The following STX18 variants were observed in gnomAD, a reference collection of about 807,000 sequenced individuals.
The protein encoded by STX18 is syntaxin-18.
Under a neutral mutation model 50.1 loss-of-function variants are expected in STX18, and 40 were observed. The observed-to-expected ratio is 0.80, with a 90% CI of 0.62 to 1.04. The LOEUF (loss-of-function observed/expected upper bound fraction) is 1.04, where lower values mean the gene tolerates loss of function less well. Ranked by LOEUF, STX18 falls within the 50% of genes least tolerant of loss-of-function variation. The pLI is 0.00. For synonymous variants in STX18, 158 were observed against 151.8 expected (o/e 1.04, Z -0.30); for missense variants, 410 against 415.8 (o/e 0.99, Z 0.12).
At chr4:4,494,417 T>C (rs769747345) in intron 1 of STX18, among the ~76,000 whole-genome samples, 2 of 152,146 alleles carry the variant, frequency 1.3e-5, no homozygotes, top group Non-Finnish European at 2.9e-5. Context: ...ATTTTTCATA[T>C]CCAAGTCTCG....
intron 5 of STX18, among the ~76,000 whole-genome samples, chr4:4,448,462 C>G (rs1349044886): frequency 1.3e-5 from 2 of 152,084 alleles, no homozygotes; most frequent in African/African-American, 4.8e-5. Flanking sequence ...GTGCCTCAGC[C>G]TCCCGAGTAG....
At chr4:4,542,121 G>A, upstream of STX18, 8 of 992,866 alleles carry the variant, frequency 8.1e-6, no homozygotes, top group South Asian at 1.8e-4. Context: ...CCCTGCTACC[G>A]CGGCGGGAGG....
chr4:4,437,644 G>A lies in STX18; in HGVS notation c.613+750C>T, dbSNP rs925008844. On this transcript the variant is annotated intron_variant, in intron 6 of 10. Coordinates refer to ENST00000306200, the MANE Select transcript of STX18 (RefSeq NM_016930.4). The stretch of plus-strand genomic sequence containing the variant: ...TGGAAGACAAGAGTTAATAAGAACT[G>A]CCATGAGACTACGGAGAAGGATGCT... The A allele has an allele frequency of 1.7e-5, 17 of 984,982 alleles. No homozygotes were observed. The African/African-American group carries it at 3.0e-4, about 17-fold the overall frequency. 61.0% of individuals were successfully genotyped at this position (984,982 alleles called of 1,614,324 possible).
intron 1 of STX18, among the ~76,000 whole-genome samples, chr4:4,500,698 A>G (rs1729409757): frequency 6.6e-6 from 1 of 152,184 alleles, no homozygotes; most frequent in Non-Finnish European, 1.5e-5. Context: ...AAATTCTTCT[A>G]AAAAATTACC....
chr4:4,421,377 A>C (rs1263544296), intron 9 of STX18, among the ~76,000 whole-genome samples: 1 of 152,044 alleles, frequency 6.6e-6, no homozygotes, highest in African/African-American at 2.4e-5. Context: ...CAGCCTCCCA[A>C]GTAGCTGGGA....
chr4:4,431,845 C>T (rs1049370588), intron 7 of STX18, among the ~76,000 whole-genome samples: 5 of 152,144 alleles, frequency 3.3e-5, no homozygotes, highest in African/African-American at 7.2e-5. Flanking sequence ...CTGCCACTCC[C>T]GGCTCAAGGC....
At chr4:4,524,110 T>C (rs1387150544) in intron 1 of STX18, among the ~76,000 whole-genome samples, 2 of 152,258 alleles carry the variant, frequency 1.3e-5, no homozygotes, top group Non-Finnish European at 2.9e-5. Context: ...ACCTAATACC[T>C]AACCTAGTTG....
chr4:4,515,155 C>G (rs1021566982), intron 1 of STX18, among the ~76,000 whole-genome samples: 3 of 151,852 alleles, frequency 2.0e-5, no homozygotes, highest in African/African-American at 7.3e-5. Context: ...GATAGTGAGA[C>G]CTAAATGAAT....
intron 5 of STX18, among the ~76,000 whole-genome samples, chr4:4,442,000 A>G (rs1726132378): frequency 6.6e-6 from 1 of 152,212 alleles, no homozygotes; most frequent in Non-Finnish European, 1.5e-5. Flanking sequence ...GTAAAATTCA[A>G]TTCTGCCATA....
intron 1 of STX18, among the ~76,000 whole-genome samples, chr4:4,527,779 T>C (rs1730842850): frequency 6.8e-6 from 1 of 147,212 alleles, no homozygotes; most frequent in African/African-American, 2.5e-5. Flanking sequence ...AAAAATTATA[T>C]ATATATAATT....
chr4:4,453,382 A>G (rs1560171451), intron 5 of STX18, among the ~76,000 whole-genome samples: 1 of 152,228 alleles, frequency 6.6e-6, no homozygotes, highest in African/African-American at 2.4e-5. Context: ...GTAGCCATCA[A>G]CACTGAGGCA....
chr4:4,525,506 T>C (rs1367460647), intron 1 of STX18, among the ~76,000 whole-genome samples: 3 of 152,228 alleles, frequency 2.0e-5, no homozygotes, highest in Admixed American at 2.0e-4. Context: ...TTCTGTTCAT[T>C]TATTCAAATG....
At chr4:4,484,485 C>A (rs1728614373) in intron 1 of STX18, among the ~76,000 whole-genome samples, 1 of 152,122 alleles carries the variant, frequency 6.6e-6, no homozygotes, top group African/African-American at 2.4e-5. Flanking sequence ...TCCTGGCCTC[C>A]TGTCATTTGC....
At position 4,434,800 on chromosome 4, in the gene STX18, T is replaced by C. The variant is rs922649368; in HGVS notation, c.672A>G (p.Glu224=). ...GTATTTCTTCTGGGGATAACTCATC[T>C]TCGCCTTTGCCATCTCCCCACGTTC... ...ELGTWGDGKG[E]DELSPEEIQM... is the part of the protein sequence containing the mutation. The change falls in exon 7 of 11, where the codon GAA becomes GAG. Residue 224 remains glutamate, a synonymous_variant. Coordinates refer to ENST00000306200, the MANE Select transcript of STX18 (RefSeq NM_016930.4). 2 of 1,607,446 alleles carry C rather than the reference T, an allele frequency of 1.2e-6. No homozygotes were observed. The highest frequency in any genetic ancestry group is 3.4e-5 in the Admixed American group (2 of 58,266).
chr4:4,455,305 C>T (rs1727008593), intron 5 of STX18, among the ~76,000 whole-genome samples: 2 of 152,256 alleles, frequency 1.3e-5, no homozygotes, highest in Non-Finnish European at 1.5e-5. Context: ...TATGGCTTCT[C>T]TCAAGCTACC....
intron 1 of STX18, among the ~76,000 whole-genome samples, chr4:4,501,273 A>T (rs1378641846): frequency 6.6e-6 from 1 of 152,158 alleles, no homozygotes; most frequent in Non-Finnish European, 1.5e-5. Context: ...GCATTTCTAA[A>T]ATATAGCCAC....
At chr4:4,478,383 G>C (rs970039544) in intron 1 of STX18, among the ~76,000 whole-genome samples, 3 of 152,184 alleles carry the variant, frequency 2.0e-5, no homozygotes, top group African/African-American at 7.2e-5. Context: ...AAAAAGAATG[G>C]TCAGAAAGAC....
intron 7 of STX18, among the ~76,000 whole-genome samples, chr4:4,432,936 G>A (rs1725586774): frequency 6.6e-6 from 1 of 152,192 alleles, no homozygotes; most frequent in Admixed American, 6.5e-5. Flanking sequence ...TGCTTACAAT[G>A]ACACTTCGGT....
intron 1 of STX18, among the ~76,000 whole-genome samples, chr4:4,523,499 C>A (rs866054991): frequency 6.6e-6 from 1 of 152,140 alleles, no homozygotes; most frequent in Non-Finnish European, 1.5e-5. Flanking sequence ...CAGCAGGCAC[C>A]TCAAGTAACT....
Sources: gnomAD v4.1 joint callset for allele counts (sites outside exome capture counted in the v4.1 genomes callset) on GRCh38, gnomAD v4.1.1 for gene constraint, MANE v1.5 for transcripts, NCBI Gene and HGNC (gene_info 2026-07-23, HGNC 2026-07-21) for gene names.